NTF3: variants seen among roughly 807,000 people sequenced by gnomAD.
NTF3 encodes the protein neurotrophin-3.
In NTF3, 8 loss-of-function variants were observed where a neutral mutation model predicts 26.3. That is an observed-to-expected ratio of 0.30 (90% CI 0.18 to 0.55). NTF3 has a LOEUF of 0.55. NTF3 is among the 20% of genes least tolerant of loss of function. NTF3 has a pLI of 0.93. For missense variants in NTF3, 276 were observed against 352.9 expected (o/e 0.78, Z 1.75); for synonymous variants, 154 against 145.5 (o/e 1.06, Z -0.42).
intron 1 of NTF3, among the ~76,000 whole-genome samples, chr12:5,443,978 A>G (rs1367701388): frequency 1.3e-5 from 2 of 152,224 alleles, no homozygotes; most frequent in African/African-American, 2.4e-5. Context: ...GGATTGGGTT[A>G]CAGGTTGAGA....
rs1481273292 is a variant in NTF3, at chr12:5,433,616, C to T, written c.18+1274C>T. On this transcript the variant is annotated intron_variant, in intron 1 of 1. Transcript: ENST00000423158. The surrounding 1 kb of genome is among the most constrained non-coding windows in gnomAD (Gnocchi z 4.6). ...ACGGCACTGAGACCCTTGCGTCCGA[C>T]GGTGTCGGGGCTGTGGACTAGAAAG... Among the ~76,000 whole-genome samples the T allele has an allele frequency of 6.6e-6, 1 of 152,066 alleles. No individual in the cohort carries two copies. Among genetic ancestry groups the T allele is most frequent in the Non-Finnish European group, 1.5e-5 (1 of 68,024 alleles).
Position 5,439,269 on chromosome 12 carries a change from A to G in NTF3, c.18+6927A>G, listed in dbSNP as rs1940209181. Among the ~76,000 whole-genome samples, 3 of 152,348 alleles carry G rather than the reference A, an allele frequency of 2.0e-5. No homozygotes were observed. In the South Asian group the frequency reaches 6.2e-4, roughly 32 times the overall value. ...GGCATTTTTACAGCTATTACATGGC[A>G]TTATCTCAGTACTCAAAATAATCTC... On this transcript the variant is annotated intron_variant, in intron 1 of 1. Coordinates refer to ENST00000423158, the MANE Select transcript of NTF3 (RefSeq NM_001102654.2).
chr12:5,449,545 C>G (rs773471495), intron 1 of NTF3, among the ~76,000 whole-genome samples: 3 of 152,170 alleles, frequency 2.0e-5, no homozygotes, highest in Non-Finnish European at 4.4e-5. Flanking sequence ...TTGCTGCCAT[C>G]CCAGCCCTAG....
chr12:5,446,062 G>C (rs1940301581), intron 1 of NTF3, among the ~76,000 whole-genome samples: 1 of 152,144 alleles, frequency 6.6e-6, no homozygotes, highest in South Asian at 2.1e-4. Flanking sequence ...ACAGGGTGCA[G>C]ACACCTATTT....
chr12:5,432,471 G>C, intron 1 of NTF3, 129 bp downstream of exon 1: 2 of 1,073,450 alleles, frequency 1.9e-6, no homozygotes, highest in Non-Finnish European at 2.7e-6. Context: ...ATCGCGCCGC[G>C]CTCACTCACT....
intron 1 of NTF3, among the ~76,000 whole-genome samples, chr12:5,468,158 A>G (rs1360681319): frequency 6.6e-6 from 1 of 152,206 alleles, no homozygotes; most frequent in Admixed American, 6.5e-5. Flanking sequence ...TGTGTGATTC[A>G]TGCTGTGTCC....
chr12:5,452,719 C>T (rs1218068077), intron 1 of NTF3, among the ~76,000 whole-genome samples: 4 of 152,174 alleles, frequency 2.6e-5, no homozygotes, highest in Non-Finnish European at 5.9e-5. Flanking sequence ...ACTGGCTGGC[C>T]TGTGTGTACT....
chr12:5,442,691 G>A (rs973884129), intron 1 of NTF3, among the ~76,000 whole-genome samples: 1 of 152,180 alleles, frequency 6.6e-6, no homozygotes, highest in Non-Finnish European at 1.5e-5. Context: ...AGGAGAAACA[G>A]ACGTGGAGTC....
In NTF3 at chr12:5,432,189, C is replaced by G. The variant is rs1294551004; in HGVS notation, c.-136C>G. On this transcript the variant is annotated 5_prime_UTR_variant, in exon 1 of 2. Transcript: ENST00000423158. ...CAGCCCGGCGCAACTACTTTCTTCT[C>G]TCTCCTTTCTTTCTTCCTCTCCTTT... 1 of 1,045,754 alleles carries G rather than the reference C, an allele frequency of 9.6e-7. No homozygotes were observed. The allele number at this position is 1,045,754 out of a possible 1,614,324, so 64.8% of individuals were successfully genotyped here.
intron 1 of NTF3, among the ~76,000 whole-genome samples, chr12:5,493,186 G>T (rs1249458307): frequency 2.4e-4 from 36 of 152,168 alleles, no homozygotes. Context: ...TAGCAATGAA[G>T]GTGTCTTGAG....
intron 1 of NTF3, among the ~76,000 whole-genome samples, chr12:5,448,875 C>T (rs1255386015): frequency 6.6e-6 from 1 of 152,200 alleles, no homozygotes; most frequent in Non-Finnish European, 1.5e-5. Flanking sequence ...TGCCCAGTGA[C>T]TTAATGGGCA....
chr12:5,494,583 C>T lies in NTF3; in HGVS notation c.408C>T (p.Tyr136=), dbSNP rs1298587577. 6.2e-7 allele frequency: 1 copy of T among 1,614,056 alleles called. No individual in the cohort carries two copies. The highest frequency in any genetic ancestry group is 8.5e-7 in the Non-Finnish European group (1 of 1,180,034). Residue 136 remains tyrosine (Y), a synonymous_variant, in exon 2 of 2, where the codon TAC becomes TAT. Transcript: ENST00000423158. The surrounding 1 kb of genome is among the most constrained non-coding windows in gnomAD (Gnocchi z 8.3). ...CGCCCTTGTATCTCATGGAGGATTA[C>T]GTGGGCAGCCCCGTGGTGGCGAACA... ...EPPPLYLMED[Y]VGSPVVANRT...
upstream of NTF3, among the ~76,000 whole-genome samples, chr12:5,431,224 C>T (rs1441528414): frequency 1.3e-5 from 2 of 152,168 alleles, no homozygotes; most frequent in South Asian, 2.1e-4. Context: ...TCCTGCTTCT[C>T]GCGCTGTCCC....
At chr12:5,431,669 A>C (rs189173493), upstream of NTF3, among the ~76,000 whole-genome samples, 175 of 152,236 alleles carry the variant, frequency 1.1e-3, 1 homozygote, top group Non-Finnish European at 9.3e-4. Context: ...AAAAGGCAGG[A>C]AAAGGCCCTG....
rs192424960 is a variant in NTF3 at position 5,437,814 on chromosome 12, A to G, written c.18+5472A>G. 3.9e-5 allele frequency among the ~76,000 whole-genome samples: 6 copies of G among 152,302 alleles called. No individual in the cohort carries two copies. In the East Asian group the frequency reaches 1.2e-3, roughly 29 times the overall value. On this transcript the variant is annotated intron_variant, in intron 1 of 1. Coordinates refer to ENST00000423158, the MANE Select transcript of NTF3 (RefSeq NM_001102654.2). ...CTAAGCCCCGTGTGGTGCTGCTGATAAGGTCTGTGGATGTACTTTGTGCAT... is the reference window on the plus strand; with the variant it reads ...CTAAGCCCCGTGTGGTGCTGCTGATGAGGTCTGTGGATGTACTTTGTGCAT...
At chr12:5,434,978 A>G (rs1940149217) in intron 1 of NTF3, among the ~76,000 whole-genome samples, 1 of 152,146 alleles carries the variant, frequency 6.6e-6, no homozygotes, top group African/African-American at 2.4e-5. Flanking sequence ...AAGCATTTGC[A>G]GGGAAGGACA....
At position 5,432,126 on chromosome 12, in the gene NTF3, T is replaced by A; in HGVS notation, c.-199T>A. The A allele has an allele frequency of 1.5e-6, 1 of 663,550 alleles. No homozygotes were observed. The highest frequency in any genetic ancestry group is 2.7e-6 in the Non-Finnish European group (1 of 367,222). The allele number at this position is 663,550 out of a possible 1,614,324, so 41.1% of individuals were successfully genotyped here. A position where few individuals can be genotyped will look rare whatever the true frequency, so the allele number is the denominator to read the frequency against. ...TCACGGGACTCAGAGTTGAAGCTCCTCTCCCTTCCGAACAGCTCCGCGCAC... is the reference window on the plus strand; with the variant it reads ...TCACGGGACTCAGAGTTGAAGCTCCACTCCCTTCCGAACAGCTCCGCGCAC... On this transcript the variant is annotated 5_prime_UTR_variant, in exon 1 of 2. Coordinates refer to ENST00000423158, the MANE Select transcript of NTF3 (RefSeq NM_001102654.2).
intron 1 of NTF3, among the ~76,000 whole-genome samples, chr12:5,477,693 C>A (rs145609818): frequency 6.6e-6 from 1 of 152,284 alleles, no homozygotes; most frequent in Non-Finnish European, 1.5e-5. Flanking sequence ...CGTGAGCCTT[C>A]ACTAAGTATG....
In NTF3 at chr12:5,455,361, C is replaced by T. The variant is rs926197579; in HGVS notation, c.18+23019C>T. Among the ~76,000 whole-genome samples the T allele has an allele frequency of 2.6e-5, 4 of 152,172 alleles. No homozygotes were observed. The East Asian group carries it at 5.8e-4, about 22-fold the overall frequency. On this transcript the variant is annotated intron_variant, in intron 1 of 1. Transcript: ENST00000423158. ...TTATGCCAAGCTTCTTGAGCGTAAC[C>T]CATGACTGCCTGGGTTAGGTGTTGT...
Sources: allele counts gnomAD v4.1 joint callset (sites outside exome capture counted in the v4.1 genomes callset), GRCh38; gene constraint gnomAD v4.1.1; non-coding constraint Gnocchi (gnomAD v3.1); transcripts MANE v1.5; gene names NCBI Gene and HGNC (gene_info 2026-07-23, HGNC 2026-07-21).